PCDH11X: variants seen among roughly 807,000 people sequenced by gnomAD.
PCDH11X encodes protocadherin 11 X-linked.
PCDH11X carries 18 observed loss-of-function variants against 53.3 expected under a neutral mutation model. That is an observed-to-expected ratio of 0.34 (90% CI 0.23 to 0.50). PCDH11X has a LOEUF of 0.50. Ranked by LOEUF, PCDH11X falls within the 20% of genes least tolerant of loss-of-function variation. The probability of loss-of-function intolerance (pLI) is 0.98; values close to 1 mark genes in which losing one functional copy is unlikely to be tolerated. For missense variants in PCDH11X, 570 were observed against 1,032.4 expected (o/e 0.55, Z 6.14); for synonymous variants, 279 against 393.3 (o/e 0.71, Z 3.44).
At chrX:91,825,218 G>T (rs1258621470) in intron 4 of PCDH11X, among the ~76,000 whole-genome samples, 1 of 108,928 alleles carries the variant, frequency 9.2e-6, no homozygotes, top group Non-Finnish European at 1.9e-5. Flanking sequence ...TGGAGCTTCC[G>T]GGCTGCTTTG....
intron 6 of PCDH11X, among the ~76,000 whole-genome samples, chrX:91,913,126 T>C (rs749337130): frequency 5.4e-4 from 60 of 110,591 alleles, no homozygotes; most frequent in South Asian, 2.7e-3. Flanking sequence ...GCCAGAGGAA[T>C]TGGGGAGGGA....
At chrX:91,806,577 T>C (rs1431782631) in intron 1 of PCDH11X, among the ~76,000 whole-genome samples, 2 of 112,917 alleles carry the variant, frequency 1.8e-5, no homozygotes, top group Non-Finnish European at 3.7e-5. Flanking sequence ...GGAATTTTAG[T>C]CTCACTGAAA....
intron 6 of PCDH11X, among the ~76,000 whole-genome samples, chrX:92,084,446 C>T (rs2063915277): frequency 9.4e-6 from 1 of 106,730 alleles, no homozygotes; most frequent in Admixed American, 1.0e-4. Context: ...ACTAGGGAGA[C>T]TGAGGCAGGA....
chrX:92,403,339 G>GTTTTTTTTTTTTTTT lies in PCDH11X; in HGVS notation c.3343+15413_3343+15427dup, dbSNP rs1191277649. On this transcript the variant is annotated intron_variant, in intron 9 of 10. Transcript: ENST00000682573. ...TGTCCGGGCATTTACGTTTTTTTTT[G>GTTTTTTTTTTTTTTT]TTTTTTTTTTTTTTTTTTTTTGTAG... Among the ~76,000 whole-genome samples, 176 of 49,341 alleles carry GTTTTTTTTTTTTTTT rather than the reference G, an allele frequency of 3.6e-3. 2 individuals are homozygous for GTTTTTTTTTTTTTTT. The highest frequency in any genetic ancestry group is 7.4e-3 in the African/African-American group (88 of 11,857). The allele number at this position is 49,341 out of a possible 115,157, so 42.8% of individuals were successfully genotyped here.
intron 4 of PCDH11X, among the ~76,000 whole-genome samples, chrX:91,812,387 C>A (rs1389734027): frequency 3.6e-5 from 4 of 111,001 alleles, no homozygotes; most frequent in Admixed American, 2.9e-4. Context: ...CCATCATTCT[C>A]TCCAAGTACA....
At chrX:91,884,498 G>T (rs1304885800) in intron 6 of PCDH11X, among the ~76,000 whole-genome samples, 1 of 111,040 alleles carries the variant, frequency 9.0e-6, no homozygotes, top group Non-Finnish European at 1.9e-5. Context: ...AAATAAGTCT[G>T]TTTTATTTCT....
chrX:91,980,957 A>G lies in PCDH11X; in HGVS notation c.3033+101684A>G, dbSNP rs1445181509. Among the ~76,000 whole-genome samples the G allele has an allele frequency of 2.3e-4, 20 of 87,035 alleles. No homozygotes were observed. In the East Asian group the frequency reaches 5.3e-3, roughly 23 times the overall value. The allele number at this position is 87,035 out of a possible 115,157, so 75.6% of individuals were successfully genotyped here. A position where few individuals can be genotyped will look rare whatever the true frequency, so the allele number is the denominator to read the frequency against. ...CACAGTGTATATATTTTATATATGT[A>G]TATATATATATATATACACTGAATA... On this transcript the variant is annotated intron_variant, in intron 6 of 10. Coordinates refer to ENST00000682573, the MANE Select transcript of PCDH11X (RefSeq NM_032968.5).
intron 6 of PCDH11X, among the ~76,000 whole-genome samples, chrX:92,181,619 T>C (rs1328067715): frequency 8.9e-6 from 1 of 111,895 alleles, no homozygotes; most frequent in African/African-American, 3.2e-5. Flanking sequence ...AGAGTCCCTC[T>C]GCTATGTGCA....
intron 6 of PCDH11X, among the ~76,000 whole-genome samples, chrX:92,088,242 G>T (rs2063992034): frequency 9.0e-6 from 1 of 110,605 alleles, no homozygotes; most frequent in African/African-American, 3.3e-5. Context: ...ACACATTTTT[G>T]CTCTTGAATA....
intron 7 of PCDH11X, among the ~76,000 whole-genome samples, chrX:92,243,404 C>G: frequency 9.1e-6 from 1 of 110,228 alleles, no homozygotes. Context: ...TTTCAAAAAT[C>G]GATCAGACAT....
At chrX:92,476,098 A>T (rs1023258816) in intron 10 of PCDH11X, among the ~76,000 whole-genome samples, 3 of 111,026 alleles carry the variant, frequency 2.7e-5, no homozygotes, top group African/African-American at 9.8e-5. Context: ...TGCTGTTCTC[A>T]TGATAGTGAA....
intron 6 of PCDH11X, among the ~76,000 whole-genome samples, chrX:92,148,100 TTC>T (rs1456039113): frequency 1.6e-3 from 35 of 21,884 alleles, no homozygotes; most frequent in South Asian, 2.2e-3. Flanking sequence ...CTTTCTTTCT[TTC>T]TTTCTTTCTT....
chrX:92,233,926 T>C (rs963176552), intron 7 of PCDH11X, among the ~76,000 whole-genome samples: 5 of 112,269 alleles, frequency 4.5e-5, no homozygotes. Context: ...TTTATGACTA[T>C]ATGAAGAAAC....
At chrX:92,278,875 G>T (rs991056623) in intron 8 of PCDH11X, among the ~76,000 whole-genome samples, 2 of 99,778 alleles carry the variant, frequency 2.0e-5, no homozygotes, top group African/African-American at 7.6e-5. Flanking sequence ...GCAATGGTGC[G>T]ATCTCAGGTC....
chrX:92,525,054 T>G (rs1319262834), intron 10 of PCDH11X, among the ~76,000 whole-genome samples: 2 of 111,999 alleles, frequency 1.8e-5, no homozygotes. Flanking sequence ...ATTCACAAAC[T>G]ATTACATGTC....
At chrX:92,506,129 G>A (rs1200388865) in intron 10 of PCDH11X, among the ~76,000 whole-genome samples, 12 of 105,446 alleles carry the variant, frequency 1.1e-4, no homozygotes, top group African/African-American at 3.8e-4. Context: ...TTGAATTAAT[G>A]TTTGGATAAA....
chrX:91,981,137 C>T (rs1206484872), intron 6 of PCDH11X, among the ~76,000 whole-genome samples: 7 of 105,869 alleles, frequency 6.6e-5, no homozygotes, highest in Admixed American at 1.1e-4. Context: ...GACTTGTTCT[C>T]ATTCCTCAAG....
intron 6 of PCDH11X, among the ~76,000 whole-genome samples, chrX:91,907,722 C>A (rs1344103228): frequency 9.3e-6 from 1 of 107,898 alleles, no homozygotes; most frequent in Non-Finnish European, 1.9e-5. Flanking sequence ...CAGGTTATTT[C>A]ATCACCCAGG....
intron 1 of PCDH11X, among the ~76,000 whole-genome samples, chrX:91,797,349 C>T (rs34672738): frequency 0.2 from 20,179 of 102,424 alleles, 1,799 homozygotes; most frequent in East Asian, 0.31. Flanking sequence ...TTATAGATGG[C>T]TTGTGATCTT....
Sources: allele counts gnomAD v4.1 joint callset (sites outside exome capture counted in the v4.1 genomes callset), GRCh38; gene constraint gnomAD v4.1.1; transcripts MANE v1.5; gene names NCBI Gene and HGNC (gene_info 2026-07-23, HGNC 2026-07-21).